The following ZNF626 variants were observed in gnomAD, a reference collection of about 807,000 sequenced individuals.
ZNF626 encodes zinc finger protein 626, also known as CTC-513N18.7.
A neutral mutation model predicts 11.7 loss-of-function variants in ZNF626; 4 were observed. The observed-to-expected ratio is 0.34, with a 90% confidence interval of 0.17 to 0.78. ZNF626 has a LOEUF of 0.78. Ranked by LOEUF, ZNF626 falls within the 30% of genes least tolerant of loss-of-function variation. The pLI is 0.57. For missense variants in ZNF626, 588 were observed against 587.1 expected (o/e 1.00, Z -0.01); for synonymous variants, 179 against 198.6 (o/e 0.90, Z 0.83).
chr19:20,634,209 T>C (rs1969941118), intron 3 of ZNF626, among the ~76,000 whole-genome samples: 1 of 152,168 alleles, frequency 6.6e-6, no homozygotes, highest in African/African-American at 2.4e-5. Context: ...AGCAATACAA[T>C]TATAGTAGGA....
intron 2 of ZNF626, 98 bp downstream of exon 2, chr19:20,646,180 GA>G: frequency 7.5e-7 from 1 of 1,327,912 alleles, no homozygotes; most frequent in Non-Finnish European, 9.9e-7. Context: ...ATGGGGATCT[GA>G]AACTCTTTTA....
intron 3 of ZNF626, among the ~76,000 whole-genome samples, chr19:20,627,426 G>T (rs907446016): frequency 6.6e-6 from 1 of 151,564 alleles, no homozygotes; most frequent in Admixed American, 6.6e-5. Flanking sequence ...GTACCACTAA[G>T]AAAATATTTG....
At position 20,624,407 on chromosome 19, in the gene ZNF626, G is replaced by C; in HGVS notation, c.1470C>G (p.Phe490Leu). 2.7e-6 allele frequency: 2 copies of C among 733,706 alleles called. 1 individual carries two copies. Among genetic ancestry groups the C allele is most frequent in the Non-Finnish European group, 4.3e-6 (2 of 465,094 alleles). The allele number at this position is 733,706 out of a possible 1,614,324, so 45.4% of individuals were successfully genotyped here. ...GTGTAGTAAGGATTGAGGACTGGTTGAAGGCTTTGCCACATTCTTCACATT... is the reference window on the plus strand; with the variant it reads ...GTGTAGTAAGGATTGAGGACTGGTTCAAGGCTTTGCCACATTCTTCACATT... ...PYKCEECGKA[F>L]NQSSILTTHE... Residue 490 changes from phenylalanine to leucine, a missense_variant, in exon 4 of 4, where the codon TTC (phenylalanine) becomes TTG (leucine). Physicochemically the swap from Phe to Leu is conservative, Grantham distance 22. Coordinates refer to ENST00000601440, the MANE Select transcript of ZNF626 (RefSeq NM_001076675.3).
At chr19:20,626,257 C>A (rs926692254) in intron 3 of ZNF626, among the ~76,000 whole-genome samples, 1 of 151,988 alleles carries the variant, frequency 6.6e-6, no homozygotes, top group Non-Finnish European at 1.5e-5. Flanking sequence ...CAGACTATGC[C>A]AGGACACAGC....
intron 3 of ZNF626, among the ~76,000 whole-genome samples, chr19:20,640,145 T>C (rs1803768976): frequency 6.6e-6 from 1 of 151,554 alleles, no homozygotes; most frequent in Non-Finnish European, 1.5e-5. Flanking sequence ...GTTGGATTAT[T>C]TCCTTGAATG....
At chr19:20,625,752 G>A (rs1433832712) in intron 3 of ZNF626, 102 bp from the exon 4 acceptor site, 1 of 1,191,594 alleles carries the variant, frequency 8.4e-7, no homozygotes, top group Admixed American at 3.4e-5. Context: ...ACATAAGCAA[G>A]ATGACACAGG....
At chr19:20,636,197 A>G (rs1361064570) in intron 3 of ZNF626, among the ~76,000 whole-genome samples, 5 of 152,290 alleles carry the variant, frequency 3.3e-5, no homozygotes, top group Admixed American at 3.3e-4. Context: ...ACAAATATAC[A>G]AGTGACACAA....
At chr19:20,658,121 A>T (rs1015297452) in intron 1 of ZNF626, among the ~76,000 whole-genome samples, 2 of 152,178 alleles carry the variant, frequency 1.3e-5, no homozygotes, top group African/African-American at 4.8e-5. Flanking sequence ...AGAAAAAAAA[A>T]AAATCCCTGC....
chr19:20,625,448 T>C lies in ZNF626; in HGVS notation c.429A>G (p.Lys143=), dbSNP rs781802410. 2.5e-6 allele frequency: 4 copies of C among 1,614,018 alleles called. No homozygotes were observed. In the African/African-American group the frequency reaches 5.3e-5, roughly 22 times the overall value. Residue 143 remains lysine, a synonymous_variant, in exon 4 of 4, where the codon AAA becomes AAG. Transcript: ENST00000601440. Reference sequence around the variant, plus strand: ...TCACATATTTATCACATTGACATATTTTTCTTGGGGTAGTTGTCAAACATT... The same window carrying C: ...TCACATATTTATCACATTGACATATCTTTCTTGGGGTAGTTGTCAAACATT... ...LNQCLTTTPR[K]ICQCDKYVKV...
rs1268099594 is a variant in ZNF626 at position 20,624,848 on chromosome 19, A to C, written c.1029T>G (p.Cys343Trp). The change falls in exon 4 of 4, where the codon TGT becomes TGG. Residue 343 changes from cysteine (C) to tryptophan (W), a missense_variant. Cys to Trp is a radical substitution (Grantham distance 215). Around this residue, in one of 4 missense-constraint regions of ZNF626, gnomAD observed 524 missense variants for 470.1 expected, o/e 1.11. Coordinates refer to ENST00000601440, the MANE Select transcript of ZNF626 (RefSeq NM_001076675.3). ...ACTTAAAGGCTTTGCCACATTCTTCACATTTGTAGGGTTTGTCTTCAGTAT... is the reference window on the plus strand; with the variant it reads ...ACTTAAAGGCTTTGCCACATTCTTCCCATTTGTAGGGTTTGTCTTCAGTAT... ...RIHTEDKPYK[C>W]EECGKAFKYS... 2 of 1,613,788 alleles carry C rather than the reference A, an allele frequency of 1.2e-6. No individual in the cohort carries two copies. Among genetic ancestry groups the C allele is most frequent in the African/African-American group, 1.3e-5 (1 of 74,902 alleles).
At chr19:20,626,149 G>A (rs1969829667) in intron 3 of ZNF626, among the ~76,000 whole-genome samples, 1 of 152,102 alleles carries the variant, frequency 6.6e-6, no homozygotes. Flanking sequence ...TGTAATCCCA[G>A]CTACTCAGAA....
Position 20,625,089 on chromosome 19 carries a change from C to A in ZNF626, c.788G>T (p.Gly263Val), listed in dbSNP as rs781965495. Residue 263 changes from glycine to valine, a missense_variant, in exon 4 of 4, where the codon GGC becomes GTC. By Grantham distance (109) the Gly-to-Val change is moderately radical (BLOSUM62 -3). Around this residue, in one of 4 missense-constraint regions of ZNF626, gnomAD observed 524 missense variants for 470.1 expected, o/e 1.11. Coordinates refer to ENST00000601440, the MANE Select transcript of ZNF626 (RefSeq NM_001076675.3). ...GGTTGAGGATGACATAAAGGCTTTG[C>A]CACATTTATCACACTTGTAGGGTTT... ...GEKPYKCDKC[G>V]KAFMSSSTLS... 1.9e-6 allele frequency: 3 copies of A among 1,613,022 alleles called. No homozygotes were observed. The highest frequency in any genetic ancestry group is 1.7e-5 in the Admixed American group (1 of 59,940).
rs781902455 is a variant in ZNF626 at position 20,625,619 on chromosome 19, C to G, written c.258G>C (p.Trp86Cys). 21 of 1,563,422 alleles carry G rather than the reference C, an allele frequency of 1.3e-5. No homozygotes were observed. Among genetic ancestry groups the G allele is most frequent in the Admixed American group, 9.8e-5 (5 of 50,904 alleles). ...VMCSHFAQDLWPEQSMKDSFQ... is the reference protein window; with the variant it reads ...VMCSHFAQDLCPEQSMKDSFQ... ...AAGAATCTTTCATGCTCTGCTCTGG[C>G]CAAAGGTCTTGGGCAAAATGAGAAC... Residue 86 changes from tryptophan to cysteine, a missense_variant, in exon 4 of 4, where the codon TGG becomes TGC. Around this residue, in one of 4 missense-constraint regions of ZNF626, gnomAD observed 524 missense variants for 470.1 expected, o/e 1.11. Coordinates refer to ENST00000601440, the MANE Select transcript of ZNF626 (RefSeq NM_001076675.3).
intron 3 of ZNF626, among the ~76,000 whole-genome samples, chr19:20,635,454 C>T (rs1969955938): frequency 6.6e-6 from 1 of 152,108 alleles, no homozygotes; most frequent in African/African-American, 2.4e-5. Flanking sequence ...TTCTCAGTAG[C>T]TGGAATTACA....
intron 1 of ZNF626, among the ~76,000 whole-genome samples, chr19:20,659,119 T>C (rs1970236601): frequency 6.6e-6 from 1 of 151,478 alleles, no homozygotes. Flanking sequence ...AAGAAACGCC[T>C]TTCTCATTAT....
At chr19:20,657,266 T>C (rs180673157) in intron 1 of ZNF626, among the ~76,000 whole-genome samples, 1 of 152,098 alleles carries the variant, frequency 6.6e-6, no homozygotes, top group Non-Finnish European at 1.5e-5. Context: ...TAGTCCCAGC[T>C]ACTTGGGAGG....
chr19:20,633,569 T>C lies in ZNF626; in HGVS notation c.227-7919A>G, dbSNP rs1292629541. Among the ~76,000 whole-genome samples the C allele has an allele frequency of 5.3e-5, 8 of 152,228 alleles. No homozygotes were observed. In the South Asian group the frequency reaches 1.2e-3, roughly 24 times the overall value. ...TGTGCTAGCAATGAGTGAGACTCCA[T>C]TGGCGTAGGACCCTCTGAGCTGGGT... is the stretch of plus-strand genomic sequence containing the variant. On this transcript the variant is annotated intron_variant, in intron 3 of 3. Coordinates refer to ENST00000601440, the MANE Select transcript of ZNF626 (RefSeq NM_001076675.3).
chr19:20,644,498 T>C (rs1555771720), intron 3 of ZNF626, among the ~76,000 whole-genome samples: 4 of 152,122 alleles, frequency 2.6e-5, no homozygotes, highest in Non-Finnish European at 5.9e-5. Flanking sequence ...TCAGAGGGCA[T>C]CTCATCACCC....
At chr19:20,660,822 C>T (rs781949030) in intron 1 of ZNF626, among the ~76,000 whole-genome samples, 1 of 152,116 alleles carries the variant, frequency 6.6e-6, no homozygotes, top group South Asian at 2.1e-4. Flanking sequence ...TAAGCTTAGA[C>T]CCAAACTTTT....
Sources: allele counts gnomAD v4.1 joint callset (sites outside exome capture counted in the v4.1 genomes callset), GRCh38; gene constraint gnomAD v4.1.1; regional missense constraint gnomAD v4.1.1; transcripts MANE v1.5; gene names NCBI Gene and HGNC (gene_info 2026-07-23, HGNC 2026-07-21).